Variants in RALYL observed in about 807,000 individuals in gnomAD.
RALYL encodes RNA-binding Raly-like protein.
A neutral mutation model predicts 35.1 loss-of-function variants in RALYL; 29 were observed. The observed-to-expected ratio is 0.83, with a 90% confidence interval of 0.61 to 1.13. The LOEUF is 1.13. Among genes scored for constraint, RALYL ranks in the 50% most tolerant of loss-of-function variants. RALYL has a pLI of 0.00. For synonymous variants in RALYL, 120 were observed against 127.6 expected (o/e 0.94, Z 0.40); for missense variants, 359 against 360.4 (o/e 1.00, Z 0.03).
At chr8:84,845,527 G>A (rs547382201) in intron 4 of RALYL, among the ~76,000 whole-genome samples, 1 of 152,056 alleles carries the variant, frequency 6.6e-6, no homozygotes, top group South Asian at 2.1e-4. Context: ...TGGGTTTTTT[G>A]CTTGAAAATT....
At chr8:84,815,560 T>A (rs1827022438) in intron 4 of RALYL, among the ~76,000 whole-genome samples, 1 of 151,412 alleles carries the variant, frequency 6.6e-6, no homozygotes, top group Non-Finnish European at 1.5e-5. Context: ...AGCAACCTTG[T>A]TTTTTAATGG....
chr8:84,225,907 C>T (rs1031407088), intron 1 of RALYL, among the ~76,000 whole-genome samples: 1 of 152,094 alleles, frequency 6.6e-6, no homozygotes, highest in Admixed American at 6.6e-5. Context: ...AACCAATATG[C>T]TTTGTGATGA....
chr8:84,606,581 C>T (rs1163314969), intron 2 of RALYL, among the ~76,000 whole-genome samples: 1 of 152,072 alleles, frequency 6.6e-6, no homozygotes, highest in East Asian at 1.9e-4. Flanking sequence ...CTCCTGAAGA[C>T]ATCAATATAT....
chr8:84,526,328 A>G (rs975524505), intron 1 of RALYL, among the ~76,000 whole-genome samples: 1 of 152,150 alleles, frequency 6.6e-6, no homozygotes, highest in African/African-American at 2.4e-5. Context: ...TAGTTGGATC[A>G]TCTTAAGCCT....
At chr8:84,847,053 G>A (rs1295001708) in intron 4 of RALYL, among the ~76,000 whole-genome samples, 3 of 152,128 alleles carry the variant, frequency 2.0e-5, no homozygotes, top group Admixed American at 6.6e-5. Context: ...CTGTTAATTT[G>A]GGAGTTTTCT....
At chr8:84,220,888 A>G (rs1017749587) in intron 1 of RALYL, among the ~76,000 whole-genome samples, 1 of 151,966 alleles carries the variant, frequency 6.6e-6, no homozygotes, top group Non-Finnish European at 1.5e-5. Context: ...AATATAAACT[A>G]TACTATCTTA....
chr8:84,372,328 T>C (rs931914537), intron 1 of RALYL, among the ~76,000 whole-genome samples: 14 of 152,066 alleles, frequency 9.2e-5, no homozygotes, highest in African/African-American at 2.9e-4. Flanking sequence ...TTCACCTACA[T>C]TCAGCCAATC....
At chr8:84,563,771 G>A (rs1374871841) in intron 2 of RALYL, among the ~76,000 whole-genome samples, 2 of 151,312 alleles carry the variant, frequency 1.3e-5, no homozygotes, top group East Asian at 3.9e-4. Flanking sequence ...TCTTATTTTG[G>A]TTACATGATT....
intron 8 of RALYL, among the ~76,000 whole-genome samples, chr8:84,909,297 G>A (rs1437233728): frequency 6.6e-6 from 1 of 152,112 alleles, no homozygotes; most frequent in African/African-American, 2.4e-5. Flanking sequence ...ATGTTCCTGA[G>A]ATAGTTCAAT....
chr8:84,215,951 C>T (rs898955006), intron 1 of RALYL, among the ~76,000 whole-genome samples: 1 of 152,116 alleles, frequency 6.6e-6, no homozygotes, highest in Non-Finnish European at 1.5e-5. Flanking sequence ...GAAACTATGG[C>T]CAGCTACTTT....
At chr8:84,211,830 G>GA (rs1422494150) in intron 1 of RALYL, among the ~76,000 whole-genome samples, 1 of 151,962 alleles carries the variant, frequency 6.6e-6, no homozygotes, top group African/African-American at 2.4e-5. Flanking sequence ...TAACCCTAGG[G>GA]AAAAATCTGT....
chr8:84,448,230 T>TTATG (rs2049060233), intron 1 of RALYL, among the ~76,000 whole-genome samples: 2 of 151,816 alleles, frequency 1.3e-5, no homozygotes, highest in South Asian at 2.1e-4. Context: ...ATCCTAAGTG[T>TTATG]TATGTATGTA....
intron 6 of RALYL, chr8:84,872,815 G>A (rs1302692820): frequency 6.6e-6 from 1 of 152,296 alleles, no homozygotes; most frequent in African/African-American, 2.4e-5. Context: ...TTTCTTTAAA[G>A]GATAAATTGT....
In RALYL at chr8:84,183,780, C is replaced by G. The variant is rs1485637612; in HGVS notation, c.-668C>G. 1.3e-5 allele frequency: 2 copies of G among 152,342 alleles called. No individual in the cohort carries two copies. The highest frequency in any genetic ancestry group is 2.9e-5 in the Non-Finnish European group (2 of 68,038). The allele number at this position is 152,342 out of a possible 1,614,324, so 9.4% of individuals were successfully genotyped here. A position where few individuals can be genotyped will look rare whatever the true frequency, so the allele number is the denominator to read the frequency against. On this transcript the variant is annotated 5_prime_UTR_variant, in exon 1 of 9. Coordinates refer to ENST00000521268, the MANE Select transcript of RALYL (RefSeq NM_173848.7). Reference sequence around the variant, plus strand: ...GCATGCGATCGTTCTGTAGACAAGGCGCTGTGTCTCGGAGTCCGCGGCGAC... The same window carrying G: ...GCATGCGATCGTTCTGTAGACAAGGGGCTGTGTCTCGGAGTCCGCGGCGAC...
At chr8:84,915,917 T>G (rs1001528756) in intron 8 of RALYL, among the ~76,000 whole-genome samples, 1 of 152,176 alleles carries the variant, frequency 6.6e-6, no homozygotes, top group Non-Finnish European at 1.5e-5. Flanking sequence ...AAACTATTAC[T>G]GCACTAACAT....
At chr8:84,756,601 A>C (rs1400116191) in intron 2 of RALYL, among the ~76,000 whole-genome samples, 2 of 152,144 alleles carry the variant, frequency 1.3e-5, no homozygotes, top group Non-Finnish European at 2.9e-5. Context: ...GGCTGTTAAC[A>C]TAATAATTTA....
intron 2 of RALYL, chr8:84,665,944 A>T (rs544488842): frequency 1.3e-4 from 20 of 152,194 alleles, no homozygotes; most frequent in Admixed American, 1.3e-3. Context: ...TAGTAAAAAA[A>T]ATCTGTCAAC....
At chr8:84,350,094 C>T (rs1447577072) in intron 1 of RALYL, among the ~76,000 whole-genome samples, 1 of 150,632 alleles carries the variant, frequency 6.6e-6, no homozygotes, top group African/African-American at 2.5e-5. Context: ...TCAAGTTGAG[C>T]TTCTGAACTG....
intron 8 of RALYL, among the ~76,000 whole-genome samples, chr8:84,892,938 C>T (rs1028251885): frequency 6.6e-5 from 10 of 152,096 alleles, no homozygotes; most frequent in Non-Finnish European, 1.3e-4. Context: ...CTACTATAGT[C>T]GTGTTTCTGA....
Sources: allele counts gnomAD v4.1 joint callset (sites outside exome capture counted in the v4.1 genomes callset), GRCh38; gene constraint gnomAD v4.1.1; transcripts MANE v1.5; gene names NCBI Gene and HGNC (gene_info 2026-07-23, HGNC 2026-07-21).